Variants in NLRP5 observed in about 807,000 individuals in gnomAD.
NLRP5 encodes NACHT, LRR and PYD domains-containing protein 5.
Under a neutral mutation model 113.1 loss-of-function variants are expected in NLRP5, and 93 were observed. The ratio of observed to expected loss-of-function variants is 0.82; its 90% CI spans 0.70 to 0.98. NLRP5 has a LOEUF of 0.98. NLRP5 is among the 50% of genes least tolerant of loss of function. The probability of loss-of-function intolerance (pLI) is 0.00; values close to 1 mark genes in which losing one functional copy is unlikely to be tolerated. For missense variants in NLRP5, 1,808 were observed against 1,514.3 expected, an observed-to-expected ratio of 1.19 and a Z score of -3.22; for synonymous variants, 751 against 600.7, an observed-to-expected ratio of 1.25 and a Z score of -3.66.
intron 6 of NLRP5, among the ~76,000 whole-genome samples, chr19:56,021,079 C>T (rs1982597743): frequency 6.6e-6 from 1 of 151,996 alleles, no homozygotes; most frequent in African/African-American, 2.4e-5. Flanking sequence ...ACCATATTGG[C>T]CAGGTCGGTC....
Position 56,002,198 on chromosome 19 carries a change from C to T in NLRP5, c.63-1518C>T, listed in dbSNP as rs139620577. On this transcript the variant is annotated intron_variant, in intron 1 of 14. Coordinates refer to ENST00000390649, the MANE Select transcript of NLRP5 (RefSeq NM_153447.4). ...TTTTCATGTGCTCATTAGCCATTTGCATAGCTTCTTTGGAGAAATGGATAT... is the reference window on the plus strand; with the variant it reads ...TTTTCATGTGCTCATTAGCCATTTGTATAGCTTCTTTGGAGAAATGGATAT... Among the ~76,000 whole-genome samples the T allele has an allele frequency of 1.0e-3, 152 of 152,266 alleles. 1 individual carries two copies. Among genetic ancestry groups the T allele is most frequent in the African/African-American group, 3.6e-3 (151 of 41,552 alleles).
intron 3 of NLRP5, among the ~76,000 whole-genome samples, chr19:56,014,015 C>T (rs1477966155): frequency 6.6e-6 from 1 of 152,026 alleles, no homozygotes; most frequent in Non-Finnish European, 1.5e-5. Flanking sequence ...ACTTGCAATA[C>T]TTAGGTTTTA....
chr19:56,035,774 T>G lies in NLRP5; in HGVS notation c.2615+2065T>G, dbSNP rs113404085. Among the ~76,000 whole-genome samples, 252 of 152,226 alleles carry G rather than the reference T, an allele frequency of 1.7e-3. 3 individuals carry two copies. Among genetic ancestry groups the G allele is most frequent in the African/African-American group, 5.4e-3 (226 of 41,540 alleles). ...TGGCCCGTATTCCCCAAAGTACTTA[T>G]TGGATAGAGGGATGGGATGATCAGC... On this transcript the variant is annotated intron_variant, in intron 9 of 14. Transcript: ENST00000390649.
At position 56,003,993 on chromosome 19, in the gene NLRP5, C is replaced by A. The variant is rs199818039; in HGVS notation, c.340C>A (p.His114Asn). Reference sequence around the variant, plus strand: ...CGTGGAATGTCTGGCACTCCTCTTGCATGAGTATTATGGAGCATCGCTGGC... The same window carrying A: ...CGTGGAATGTCTGGCACTCCTCTTGAATGAGTATTATGGAGCATCGCTGGC... The change falls in exon 2 of 15, where the codon CAT (histidine) becomes AAT (asparagine). Residue 114 changes from histidine to asparagine, a missense_variant. Physicochemically the swap from His to Asn is moderately conservative, Grantham distance 68 (BLOSUM62 1). Transcript: ENST00000390649. 3.3e-5 allele frequency: 53 copies of A among 1,613,874 alleles called. No individual in the cohort carries two copies. The African/African-American group carries it at 6.8e-4, about 21-fold the overall frequency.
At chr19:55,987,339 C>T in the NLRP5 span, among the ~76,000 whole-genome samples, 4 of 152,336 alleles carry the variant, frequency 2.6e-5, no homozygotes, top group East Asian at 7.7e-4. Context: ...CACTGCACTC[C>T]AGCGTGGGTG....
At chr19:56,045,087 A>C (rs887161176) in intron 11 of NLRP5, among the ~76,000 whole-genome samples, 2 of 152,224 alleles carry the variant, frequency 1.3e-5, no homozygotes, top group African/African-American at 4.8e-5. Context: ...GAATTATTTT[A>C]TCAGTTCTAG....
At chr19:56,036,314 G>A (rs908915203) in intron 9 of NLRP5, among the ~76,000 whole-genome samples, 4 of 151,418 alleles carry the variant, frequency 2.6e-5, no homozygotes, top group East Asian at 2.0e-4. Flanking sequence ...TGATCTGCCC[G>A]CCTCGGCCTC....
In NLRP5 at chr19:56,028,396, A is replaced by G; in HGVS notation, c.2163A>G (p.Ile721Met). The change falls in exon 7 of 15, where the codon ATA (isoleucine) becomes ATG (methionine). Residue 721 changes from isoleucine to methionine, a missense_variant. Coordinates refer to ENST00000390649, the MANE Select transcript of NLRP5 (RefSeq NM_153447.4). ...CGATTAACCAGAACCTGGACTTGAT[A>G]GCATCTTCCTTCTGCCTCCAGCACT... 6.2e-7 allele frequency: 1 copy of G among 1,614,004 alleles called. No homozygotes were observed. Among genetic ancestry groups the G allele is most frequent in the Non-Finnish European group, 8.5e-7 (1 of 1,179,890 alleles).
chr19:55,998,726 A>ACG (rs1568478350), upstream of NLRP5, among the ~76,000 whole-genome samples: 2 of 141,004 alleles, frequency 1.4e-5, no homozygotes, highest in African/African-American at 2.8e-5. Flanking sequence ...ATATATATAT[A>ACG]TATGTGTATA....
chr19:56,025,398 C>CTCTCTCTCTCTCTCTCTCTCTCTCTCTG (rs1376346640), intron 6 of NLRP5, among the ~76,000 whole-genome samples: 101 of 151,758 alleles, frequency 6.7e-4, no homozygotes, highest in South Asian at 1.0e-3. Flanking sequence ...CTCTCTCTCT[C>CTCTCTCTCTCTCTCTCTCTCTCTCTCTG]TCTCTCTGTC....
At chr19:56,023,825 G>A (rs1166347027) in intron 6 of NLRP5, among the ~76,000 whole-genome samples, 4 of 152,204 alleles carry the variant, frequency 2.6e-5, no homozygotes, top group Non-Finnish European at 5.9e-5. Context: ...ACAATGAAGT[G>A]TAAGTTCTAG....
upstream of NLRP5, among the ~76,000 whole-genome samples, chr19:55,995,555 ATTGT>A (rs1006593439): frequency 8.5e-5 from 13 of 152,206 alleles, no homozygotes; most frequent in African/African-American, 2.2e-4. Flanking sequence ...TTTGCTCAAA[ATTGT>A]TTGGGCTACT....
intron 2 of NLRP5, 78 bp downstream of exon 2, chr19:56,004,173 T>C (rs1169030986): frequency 6.2e-6 from 9 of 1,458,836 alleles, no homozygotes; most frequent in Middle Eastern, 2.5e-4. Flanking sequence ...GAAGAATCGT[T>C]GTTCAGTAAC....
At position 56,060,357 on chromosome 19, in the gene NLRP5, A is replaced by G. The variant is rs532799466; in HGVS notation, c.3471-1039A>G. ...TGGGAAATTTGCCTTGTCCATCCCT[A>G]TATGAGAAGTCCTCATTTAATGTCA... On this transcript the variant is annotated intron_variant, in intron 14 of 14. Coordinates refer to ENST00000390649, the MANE Select transcript of NLRP5 (RefSeq NM_153447.4). 3.2e-4 allele frequency among the ~76,000 whole-genome samples: 49 copies of G among 152,316 alleles called. 1 individual carries two copies. In the South Asian group the frequency reaches 9.3e-3, roughly 29 times the overall value.
the NLRP5 span, among the ~76,000 whole-genome samples, chr19:55,991,980 C>G: frequency 6.6e-6 from 1 of 152,084 alleles, no homozygotes; most frequent in Non-Finnish European, 1.5e-5. Context: ...TTATTAAGCC[C>G]AGTACCCAGT....
chr19:56,004,227 C>T (rs4801657), intron 2 of NLRP5, 132 bp downstream of exon 2: 105,848 of 957,352 alleles, frequency 0.11, 6,821 homozygotes, highest in African/African-American at 0.21. Flanking sequence ...GAGAAGGATC[C>T]TATTGGTCAT....
chr19:56,028,638 C>A, intron 7 of NLRP5, 129 bp downstream of exon 7: 1 of 916,546 alleles, frequency 1.1e-6, no homozygotes, highest in South Asian at 1.6e-5. Flanking sequence ...GCCCAGATGA[C>A]GTCCAGCTGG....
rs368341158 is a variant in NLRP5 at position 56,028,371 on chromosome 19, C to G, written c.2138C>G (p.Pro713Arg). The change falls in exon 7 of 15, where the codon CCG becomes CGG. Residue 713 changes from proline (P) to arginine (R), a missense_variant. By Grantham distance (103) the Pro-to-Arg change is moderately radical. Coordinates refer to ENST00000390649, the MANE Select transcript of NLRP5 (RefSeq NM_153447.4). Reference sequence around the variant, plus strand: ...AACAGCTTCCAAGAAGTGTGGCTTCCGATTAACCAGAACCTGGACTTGATA... The same window carrying G: ...AACAGCTTCCAAGAAGTGTGGCTTCGGATTAACCAGAACCTGGACTTGATA... The G allele has an allele frequency of 1.8e-5, 29 of 1,613,972 alleles. No homozygotes were observed. The highest frequency in any genetic ancestry group is 2.5e-5 in the Non-Finnish European group (29 of 1,179,884).
At chr19:56,032,480 G>A (rs764350937) in intron 7 of NLRP5, 131 bp from the exon 8 acceptor site, 1 of 669,954 alleles carries the variant, frequency 1.5e-6, no homozygotes, top group African/African-American at 1.8e-5. Context: ...CAGCCGCTAA[G>A]TTGCCTCAGG....
Sources: gnomAD v4.1 joint callset for allele counts (sites outside exome capture counted in the v4.1 genomes callset) on GRCh38, gnomAD v4.1.1 for gene constraint, MANE v1.5 for transcripts, NCBI Gene and HGNC (gene_info 2026-07-23, HGNC 2026-07-21) for gene names.